Variants in DAB1 observed in about 807,000 individuals in gnomAD.
DAB1 encodes disabled homolog 1.
Under a neutral mutation model 64.6 loss-of-function variants are expected in DAB1, and 15 were observed. That is an observed-to-expected ratio of 0.23 (90% CI 0.16 to 0.36). The LOEUF (loss-of-function observed/expected upper bound fraction) is 0.36. Among genes scored for constraint, DAB1 ranks in the 10% least tolerant of loss-of-function variants. DAB1 has a pLI of 1.00. For missense variants in DAB1, 596 were observed against 706.7 expected (o/e 0.84, Z 1.78); for synonymous variants, 235 against 251.9 (o/e 0.93, Z 0.64).
At position 57,290,991 on chromosome 1, in the gene DAB1, T is replaced by C. The variant is rs1158836710; in HGVS notation, c.40A>G (p.Ser14Gly). 1.2e-6 allele frequency: 2 copies of C among 1,611,666 alleles called. No individual in the cohort carries two copies. Among genetic ancestry groups the C allele is most frequent in the Non-Finnish European group, 1.7e-6 (2 of 1,178,904 alleles). Residue 14 changes from serine to glycine, a missense_variant, in exon 2 of 15, where the codon AGC (serine) becomes GGC (glycine). Physicochemically the swap from Ser to Gly is moderately conservative, Grantham distance 56. This residue lies in a region of DAB1 where 43 missense variants were observed against 39.6 expected (regional missense o/e 1.09). Transcript: ENST00000371236. Reference sequence around the variant, plus strand: ...TTCTTTCTGGAGTCTTTCTTGGCGCTGGTTTTCACAGCTACTTGAAGTTCT... The same window carrying C: ...TTCTTTCTGGAGTCTTTCTTGGCGCCGGTTTTCACAGCTACTTGAAGTTCT... Reference protein sequence around the residue: ...ETELQVAVKTSAKKDSRKKGQ... With the variant: ...ETELQVAVKTGAKKDSRKKGQ...
chr1:57,909,609 A>G lies in DAB1; in HGVS notation n.388-25447T>C, dbSNP rs529915940. On this transcript the variant is annotated intron_variant and non_coding_transcript_variant, in intron 5 of 20. Transcript: ENST00000485760. ...TGAAATGTGATTGCCCATTACAGCT[A>G]TCTACTGGGTAATAAGTGTTGCTGA... Among the ~76,000 whole-genome samples the G allele has an allele frequency of 8.3e-4, 127 of 152,190 alleles. 1 individual carries two copies. The highest frequency in any genetic ancestry group is 1.6e-3 in the Non-Finnish European group (110 of 68,028).
intron 2 of DAB1, among the ~76,000 whole-genome samples, chr1:57,216,625 G>A (rs532762141): frequency 4.4e-4 from 67 of 152,274 alleles, no homozygotes; most frequent in Non-Finnish European, 7.8e-4. Context: ...TAGTTTAGAA[G>A]AAAACGCATA....
chr1:57,960,876 C>T (rs1032354885), intron 5 of DAB1, among the ~76,000 whole-genome samples: 1 of 152,208 alleles, frequency 6.6e-6, no homozygotes, highest in Admixed American at 6.5e-5. Flanking sequence ...TGCAGAGGAG[C>T]CAGAGAACCA....
intron 5 of DAB1, among the ~76,000 whole-genome samples, chr1:57,951,026 GGCTTGGAAGTAC>G (rs1645265105): frequency 6.6e-6 from 1 of 152,082 alleles, no homozygotes; most frequent in African/African-American, 2.4e-5. Context: ...CAAATTGGGA[GGCTTGGAAGTAC>G]GCTACTCTGA....
intron 4 of DAB1, among the ~76,000 whole-genome samples, chr1:58,238,675 G>A (rs1660156254): frequency 6.6e-6 from 1 of 152,114 alleles, no homozygotes. Flanking sequence ...AATGCCCAGA[G>A]AAGAAAAGCA....
intron 4 of DAB1, among the ~76,000 whole-genome samples, chr1:57,125,076 A>C (rs1202180777): frequency 6.6e-6 from 1 of 152,212 alleles, no homozygotes. Context: ...ACCATAGCAC[A>C]GAAGATTTGA....
At chr1:57,491,510 T>G (rs935005529) in intron 7 of DAB1, among the ~76,000 whole-genome samples, 9 of 151,890 alleles carry the variant, frequency 5.9e-5, no homozygotes, top group Admixed American at 3.9e-4. Flanking sequence ...GGACAACAAA[T>G]AAAAAAATAT....
chr1:58,296,239 AAGAAAGAAAGAAAGAAAG>A (rs1661987618), intron 4 of DAB1, among the ~76,000 whole-genome samples: 1 of 151,704 alleles, frequency 6.6e-6, no homozygotes, highest in African/African-American at 2.4e-5. Flanking sequence ...GAAAGAAAGA[AAGAAAGAAAGAAAGAAAG>A]AAAGAAAAGT....
intron 6 of DAB1, among the ~76,000 whole-genome samples, chr1:57,792,348 A>G (rs1469393535): frequency 6.6e-6 from 1 of 152,224 alleles, no homozygotes; most frequent in African/African-American, 2.4e-5. Flanking sequence ...ATTTATTGCC[A>G]GACAGCAGGC....
At chr1:57,579,237 G>T (rs191453489) in intron 7 of DAB1, among the ~76,000 whole-genome samples, 2 of 152,304 alleles carry the variant, frequency 1.3e-5, no homozygotes, top group East Asian at 1.9e-4. Flanking sequence ...GTTTTAGCAG[G>T]TTGTTCTCTT....
At chr1:57,577,978 T>A (rs1260607804) in intron 7 of DAB1, among the ~76,000 whole-genome samples, 1 of 151,848 alleles carries the variant, frequency 6.6e-6, no homozygotes, top group African/African-American at 2.4e-5. Flanking sequence ...GGCTGAAGAG[T>A]GTCCCCAGCT....
At chr1:57,129,271 C>T (rs1036225356) in intron 4 of DAB1, among the ~76,000 whole-genome samples, 1 of 152,126 alleles carries the variant, frequency 6.6e-6, no homozygotes, top group Non-Finnish European at 1.5e-5. Context: ...CTCATGGAGG[C>T]AGGTTCCTGA....
chr1:58,518,277 G>GGAGAA (rs1278778501), intron 2 of DAB1, among the ~76,000 whole-genome samples: 6 of 2,402 alleles, frequency 2.5e-3, no homozygotes, highest in African/African-American at 0.011. Flanking sequence ...AGAGAGGAGA[G>GGAGAA]GAGAAGAGAA....
At chr1:57,438,132 C>T (rs962083801) in intron 7 of DAB1, among the ~76,000 whole-genome samples, 4 of 152,090 alleles carry the variant, frequency 2.6e-5, no homozygotes, top group East Asian at 1.9e-4. Flanking sequence ...AATTAATGAC[C>T]GTCTGAATGA....
chr1:57,070,087 A>G (rs1651306724), intron 7 of DAB1, among the ~76,000 whole-genome samples: 1 of 152,224 alleles, frequency 6.6e-6, no homozygotes, highest in African/African-American at 2.4e-5. Flanking sequence ...CATTACGTGC[A>G]TCTTTGGCTT....
intron 5 of DAB1, among the ~76,000 whole-genome samples, chr1:57,998,586 A>T (rs1646462767): frequency 6.6e-6 from 1 of 151,756 alleles, no homozygotes; most frequent in African/African-American, 2.4e-5. Flanking sequence ...CTGGTCTCAA[A>T]CTTCCGACCT....
At chr1:57,549,587 A>G (rs1414789686) in intron 7 of DAB1, among the ~76,000 whole-genome samples, 2 of 152,298 alleles carry the variant, frequency 1.3e-5, no homozygotes, top group East Asian at 3.9e-4. Flanking sequence ...GACAATCTTT[A>G]AGAGTCTGAT....
intron 7 of DAB1, among the ~76,000 whole-genome samples, chr1:57,518,676 TAG>T (rs1162347390): frequency 3.9e-5 from 6 of 152,148 alleles, no homozygotes; most frequent in African/African-American, 1.2e-4. Context: ...TTGGCGTCAG[TAG>T]AGTCTCAAAC....
At chr1:57,110,602 C>A (rs1399108262) in intron 4 of DAB1, among the ~76,000 whole-genome samples, 1 of 152,186 alleles carries the variant, frequency 6.6e-6, no homozygotes, top group Non-Finnish European at 1.5e-5. Context: ...AGGAACTGGG[C>A]CAGATAATCC....
Sources: gnomAD v4.1 joint callset for allele counts (sites outside exome capture counted in the v4.1 genomes callset) on GRCh38, gnomAD v4.1.1 for gene constraint, gnomAD v4.1.1 regional missense constraint, MANE v1.5 for transcripts, NCBI Gene and HGNC (gene_info 2026-07-23, HGNC 2026-07-21) for gene names.